Variants in DNAH2 observed in about 807,000 individuals in gnomAD.
The protein encoded by DNAH2 is axonemal beta dynein heavy chain 2.
In DNAH2, 323 loss-of-function variants were observed where a neutral mutation model predicts 523.5. The observed-to-expected ratio is 0.62, with a 90% CI of 0.56 to 0.68. The LOEUF is 0.68. DNAH2 is among the 30% of genes least tolerant of loss of function. The probability of loss-of-function intolerance (pLI) is 0.00; values close to 1 mark genes in which losing one functional copy is unlikely to be tolerated. For missense variants in DNAH2, 4,907 were observed against 5,701.5 expected (o/e 0.86, Z 4.49); for synonymous variants, 2,093 against 2,177.4 (o/e 0.96, Z 1.08).
intron 25 of DNAH2, 22 bp from the exon 26 acceptor site, chr17:7,770,535 G>A (rs1281859397): frequency 1.2e-6 from 2 of 1,613,922 alleles, no homozygotes; most frequent in South Asian, 2.2e-5. Flanking sequence ...TGACTGCTGT[G>A]TCCCCCAATT....
chr17:7,721,622 C>T (rs898307854), intron 2 of DNAH2, among the ~76,000 whole-genome samples: 3 of 152,210 alleles, frequency 2.0e-5, no homozygotes, highest in African/African-American at 7.2e-5. Context: ...TGCCTCATTC[C>T]CCTCTTAGTT....
intron 13 of DNAH2, 46 bp from the exon 14 acceptor site, chr17:7,758,449 C>T (rs1459927168): frequency 1.5e-5 from 24 of 1,581,934 alleles, no homozygotes; most frequent in Non-Finnish European, 2.1e-5. Context: ...GAGGAAAGAT[C>T]TTCAGGGCTT....
intron 42 of DNAH2, 113 bp downstream of exon 42, chr17:7,787,146 G>C (rs999726847): frequency 1.2e-5 from 16 of 1,350,390 alleles, no homozygotes; most frequent in African/African-American, 2.9e-5. Context: ...CTGTGGGAGA[G>C]AGCTGAAAGG....
chr17:7,761,422 C>T (rs1290704012), intron 18 of DNAH2, among the ~76,000 whole-genome samples: 10 of 151,950 alleles, frequency 6.6e-5, no homozygotes, highest in African/African-American at 2.4e-4. Flanking sequence ...CACATGCCAC[C>T]ATGCTTGAAT....
rs906707951 is a variant in DNAH2 at position 7,780,553 on chromosome 17, G to T, written c.5851-77G>T. 3 of 1,584,082 alleles carry T rather than the reference G, an allele frequency of 1.9e-6. No homozygotes were observed. The highest frequency in any genetic ancestry group is 2.3e-5 in the South Asian group (2 of 88,560). On this transcript the variant is annotated intron_variant, in intron 37 of 85. Coordinates refer to ENST00000572933, the MANE Select transcript of DNAH2 (RefSeq NM_020877.5). The surrounding 1 kb of genome is among the most constrained non-coding windows in gnomAD (Gnocchi z 4.4). ...TTCATGTCCTGGGACCTGGCTTCTT[G>T]TCTCTGACTGTCCTGAGATGAAGCA...
At chr17:7,727,538 A>T (rs1158872308) in intron 4 of DNAH2, among the ~76,000 whole-genome samples, 1 of 152,102 alleles carries the variant, frequency 6.6e-6, no homozygotes, top group South Asian at 2.1e-4. Context: ...TGGGCGGATC[A>T]TGAGGTCAGG....
intron 77 of DNAH2, among the ~76,000 whole-genome samples, chr17:7,825,748 T>G (rs2078001010): frequency 6.6e-6 from 1 of 152,210 alleles, no homozygotes; most frequent in Admixed American, 6.5e-5. Flanking sequence ...ATCCCATCTC[T>G]GGCATCAGCC....
chr17:7,729,659 A>G (rs1054902557), intron 4 of DNAH2, among the ~76,000 whole-genome samples: 2 of 152,068 alleles, frequency 1.3e-5, no homozygotes, highest in South Asian at 2.1e-4. Context: ...CAAACTCCCA[A>G]CCTCAGGTGA....
In DNAH2 at chr17:7,824,189, T is replaced by C; in HGVS notation, c.11547T>C (p.Ser3849=). Residue 3849 remains serine, a synonymous_variant, in exon 76 of 86, where the codon AGT becomes AGC. Transcript: ENST00000572933. ...TGTCCCCTGGTGTGGACCCCACCAGTGCCCTGCTGCAGCTGGCAGAGCACA... is the reference window on the plus strand; with the variant it reads ...TGTCCCCTGGTGTGGACCCCACCAGCGCCCTGCTGCAGCTGGCAGAGCACA... ...FILSPGVDPT[S]ALLQLAEHMG... 1 of 1,605,252 alleles carries C rather than the reference T, an allele frequency of 6.2e-7. No individual in the cohort carries two copies.
intron 44 of DNAH2, among the ~76,000 whole-genome samples, chr17:7,790,036 A>G (rs1167856436): frequency 2.6e-5 from 4 of 152,118 alleles, no homozygotes; most frequent in Non-Finnish European, 5.9e-5. Context: ...AAAGCAGACT[A>G]TCCCTTTGCC....
chr17:7,776,183 G>A lies in DNAH2; in HGVS notation c.4947+34G>A, dbSNP rs769153096. ...GGGTCAACAGAAGTGAGGGAACAAGGGGCTGGGCACGGTGGCTCACGCCTG... is the reference window on the plus strand; with the variant it reads ...GGGTCAACAGAAGTGAGGGAACAAGAGGCTGGGCACGGTGGCTCACGCCTG... On this transcript the variant is annotated intron_variant, in intron 31 of 85. Coordinates refer to ENST00000572933, the MANE Select transcript of DNAH2 (RefSeq NM_020877.5). 10 of 1,608,452 alleles carry A rather than the reference G, an allele frequency of 6.2e-6. No homozygotes were observed. In the South Asian group the frequency reaches 9.9e-5, roughly 16 times the overall value.
chr17:7,756,479 T>A (rs1324977896), intron 12 of DNAH2, among the ~76,000 whole-genome samples: 2 of 151,794 alleles, frequency 1.3e-5, no homozygotes, highest in African/African-American at 2.4e-5. Flanking sequence ...TCTCACTATG[T>A]TGCCCAGGCT....
At position 7,770,546 on chromosome 17, in the gene DNAH2, T is replaced by G. The variant is rs892323695; in HGVS notation, c.4099-11T>G. 3.7e-6 allele frequency: 6 copies of G among 1,613,874 alleles called. No individual in the cohort carries two copies. Among genetic ancestry groups the G allele is most frequent in the Non-Finnish European group, 4.2e-6 (5 of 1,179,972 alleles). Reference sequence around the variant, plus strand: ...TACCTGACTGCTGTGTCCCCCAATTTCTCTCCACAGGCTTTACAAAACATT... The same window carrying G: ...TACCTGACTGCTGTGTCCCCCAATTGCTCTCCACAGGCTTTACAAAACATT... On this transcript the variant is annotated splice_polypyrimidine_tract_variant and intron_variant, in intron 25 of 85. Transcript: ENST00000572933.
rs781111373 is a variant in DNAH2, at chr17:7,819,276, A to T, written c.10883A>T (p.Asp3628Val). The T allele has an allele frequency of 1.9e-6, 3 of 1,614,084 alleles. No homozygotes were observed. In the Admixed American group the frequency reaches 5.0e-5, roughly 27 times the overall value. ...FFVLNDMGCI[D>V]PMYQFSLDAY... is the part of the protein sequence containing the mutation. ...GTGCTCAATGATATGGGCTGCATCGACCCCATGTACCAGTTCTCACTGGAT... is the reference window on the plus strand; with the variant it reads ...GTGCTCAATGATATGGGCTGCATCGTCCCCATGTACCAGTTCTCACTGGAT... Residue 3628 changes from aspartate (D) to valine (V), a missense_variant, in exon 72 of 86, where the codon GAC (aspartate) becomes GTC (valine). This residue lies in a region of DNAH2 where 1,851 missense variants were observed against 2,139.4 expected (regional missense o/e 0.87). Transcript: ENST00000572933.
intron 42 of DNAH2, 77 bp from the exon 43 acceptor site, chr17:7,787,783 G>A (rs1274297063): frequency 1.6e-5 from 22 of 1,367,546 alleles, no homozygotes; most frequent in African/African-American, 7.3e-5. Context: ...TGTAGCATCC[G>A]AGTTCCGGGT....
intron 28 of DNAH2, among the ~76,000 whole-genome samples, chr17:7,772,146 T>G (rs932931661): frequency 2.0e-5 from 3 of 151,892 alleles, no homozygotes; most frequent in Admixed American, 2.0e-4. Flanking sequence ...GAGACTGGGG[T>G]AGACAATCAG....
intron 12 of DNAH2, among the ~76,000 whole-genome samples, chr17:7,748,022 T>G (rs556096563): frequency 5.3e-5 from 8 of 152,262 alleles, no homozygotes; most frequent in Non-Finnish European, 1.0e-4. Flanking sequence ...AATGTTCTGA[T>G]GTTCCTCGGA....
chr17:7,751,880 A>G (rs1471052327), intron 12 of DNAH2, among the ~76,000 whole-genome samples: 1 of 151,634 alleles, frequency 6.6e-6, no homozygotes, highest in African/African-American at 2.4e-5. Context: ...CTTTAGAAGA[A>G]TATCTTTATG....
Position 7,818,336 on chromosome 17 carries a change from G to T in DNAH2, c.10412G>T (p.Gly3471Val), listed in dbSNP as rs771464870. The change falls in exon 69 of 86, where the codon GGC (glycine) becomes GTC (valine). Residue 3471 changes from glycine to valine, a missense_variant. Physicochemically the swap from Gly to Val is moderately radical, Grantham distance 109. This residue lies in a region of DNAH2 where 1,851 missense variants were observed against 2,139.4 expected (regional missense o/e 0.87). Coordinates refer to ENST00000572933, the MANE Select transcript of DNAH2 (RefSeq NM_020877.5). ...GGTGGTCGGCTGTTGATGCGCATTG[G>T]CGATAAGGAGGTGGAATATAATACC... ...RIGGRLLMRI[G>V]DKEVEYNTNF... The T allele has an allele frequency of 1.9e-6, 3 of 1,614,178 alleles. No homozygotes were observed. Among genetic ancestry groups the T allele is most frequent in the Non-Finnish European group, 2.5e-6 (3 of 1,180,040 alleles).
Sources: allele counts gnomAD v4.1 joint callset (sites outside exome capture counted in the v4.1 genomes callset), GRCh38; gene constraint gnomAD v4.1.1; regional missense constraint gnomAD v4.1.1; non-coding constraint Gnocchi (gnomAD v3.1); transcripts MANE v1.5; gene names NCBI Gene and HGNC (gene_info 2026-07-23, HGNC 2026-07-21).